MACROD2: variants seen among roughly 807,000 people sequenced by gnomAD.
MACROD2 encodes mono-ADP ribosylhydrolase 2.
A neutral mutation model predicts 70.4 loss-of-function variants in MACROD2; 36 were observed. That is an observed-to-expected ratio of 0.51 (90% CI 0.39 to 0.68). The LOEUF is 0.68. Among genes scored for constraint, MACROD2 ranks in the 30% least tolerant of loss-of-function variants. The probability of loss-of-function intolerance (pLI) is 0.00; values close to 1 mark genes in which losing one functional copy is unlikely to be tolerated. For synonymous variants in MACROD2, 172 were observed against 178.8 expected (o/e 0.96, Z 0.30); for missense variants, 496 against 538.4 (o/e 0.92, Z 0.78).
intron 5 of MACROD2, among the ~76,000 whole-genome samples, chr20:14,806,180 T>C (rs1330778875): frequency 6.6e-6 from 1 of 152,086 alleles, no homozygotes; most frequent in East Asian, 1.9e-4. Context: ...CCGAATAGGA[T>C]CAGCTCAGAT....
chr20:14,460,125 T>C (rs2084351117), intron 3 of MACROD2, among the ~76,000 whole-genome samples: 1 of 152,116 alleles, frequency 6.6e-6, no homozygotes, highest in Admixed American at 6.5e-5. Context: ...CAGTCTATCA[T>C]TGATGGGCAT....
chr20:14,252,034 G>C (rs1370206045), intron 3 of MACROD2, among the ~76,000 whole-genome samples: 1 of 152,054 alleles, frequency 6.6e-6, no homozygotes, highest in Admixed American at 6.6e-5. Context: ...TTTTAGCACT[G>C]TCTACCACTT....
rs574653281 is a variant in MACROD2, at chr20:15,420,793, G to A, written c.541-10612G>A. Among the ~76,000 whole-genome samples, 4 of 152,258 alleles carry A rather than the reference G, an allele frequency of 2.6e-5. No homozygotes were observed. The East Asian group carries it at 7.7e-4, about 29-fold the overall frequency. ...TATATTAGGTAGAAACATCTAGAGT[G>A]TTGGTTGTAACGCTGGATATGGGAG... On this transcript the variant is annotated intron_variant, in intron 6 of 17. Transcript: ENST00000684519.
At chr20:14,538,591 G>A (rs894788671) in intron 4 of MACROD2, among the ~76,000 whole-genome samples, 2 of 151,936 alleles carry the variant, frequency 1.3e-5, no homozygotes, top group Non-Finnish European at 2.9e-5. Context: ...ACCTCTCTAC[G>A]CATGACTCTC....
rs980857783 is a variant in MACROD2, at chr20:15,587,919, G to A, written c.645+88072G>A. On this transcript the variant is annotated intron_variant, in intron 8 of 17. Coordinates refer to ENST00000684519, the MANE Select transcript of MACROD2 (RefSeq NM_001351661.2). ...CTGTCAGTGGATCTACCATTCTGGG[G>A]TCTGGAGGATGGTGGCCCTCTTGTC... Among the ~76,000 whole-genome samples the A allele has an allele frequency of 8.5e-5, 13 of 152,312 alleles. No homozygotes were observed. In the East Asian group the frequency reaches 2.5e-3, roughly 29 times the overall value.
intron 3 of MACROD2, among the ~76,000 whole-genome samples, chr20:14,227,350 A>G (rs975096965): frequency 6.6e-6 from 1 of 152,134 alleles, no homozygotes; most frequent in Non-Finnish European, 1.5e-5. Flanking sequence ...TTTGCAATAA[A>G]TCTTGGTACT....
At chr20:14,737,125 C>T (rs984820976) in intron 5 of MACROD2, among the ~76,000 whole-genome samples, 2 of 152,030 alleles carry the variant, frequency 1.3e-5, no homozygotes, top group Non-Finnish European at 2.9e-5. Flanking sequence ...CCCAACAGGC[C>T]CTGGTGTGTG....
At chr20:14,882,127 C>A (rs2073617484) in intron 5 of MACROD2, among the ~76,000 whole-genome samples, 1 of 152,170 alleles carries the variant, frequency 6.6e-6, no homozygotes, top group South Asian at 2.1e-4. Flanking sequence ...ATGCCCTTAT[C>A]CCACAAATTT....
chr20:14,969,449 A>G (rs1284689642), intron 5 of MACROD2, among the ~76,000 whole-genome samples: 1 of 151,634 alleles, frequency 6.6e-6, no homozygotes, highest in Non-Finnish European at 1.5e-5. Flanking sequence ...TCCTCTACCT[A>G]TGACCATGCC....
In MACROD2 at chr20:14,716,126, G is replaced by GT. The variant is rs1174415006; in HGVS notation, c.418+31172dup. ...GGCGTTTTCCTTCAGTCTGCCTAGA[G>GT]TTTTTCCAGAGCCACTTAATAAGAG... is the stretch of plus-strand genomic sequence containing the variant. On this transcript the variant is annotated intron_variant, in intron 5 of 17. Transcript: ENST00000684519. Among the ~76,000 whole-genome samples the GT allele has an allele frequency of 3.3e-5, 5 of 152,130 alleles. No homozygotes were observed. In the East Asian group the frequency reaches 9.6e-4, roughly 29 times the overall value.
At chr20:15,541,230 A>C (rs908857299) in intron 8 of MACROD2, among the ~76,000 whole-genome samples, 4 of 152,248 alleles carry the variant, frequency 2.6e-5, no homozygotes, top group African/African-American at 9.6e-5. Flanking sequence ...ATTCTAGAAC[A>C]TAGAAACCAG....
chr20:15,393,619 A>G (rs367606434), intron 6 of MACROD2, among the ~76,000 whole-genome samples: 1 of 151,920 alleles, frequency 6.6e-6, no homozygotes, highest in East Asian at 1.9e-4. Context: ...ATTCAATTTC[A>G]TTTCAATGTC....
chr20:15,686,580 T>C (rs566159342), intron 8 of MACROD2, among the ~76,000 whole-genome samples: 4 of 152,144 alleles, frequency 2.6e-5, no homozygotes, highest in South Asian at 2.1e-4. Flanking sequence ...TCAAATAAAA[T>C]ACAATTTGTT....
chr20:14,279,849 G>A (rs2082291933), intron 3 of MACROD2, among the ~76,000 whole-genome samples: 1 of 152,148 alleles, frequency 6.6e-6, no homozygotes, highest in Admixed American at 6.5e-5. Context: ...CTTGGGAAAT[G>A]TATGGCACTA....
chr20:14,536,165 A>C (rs952619752), intron 4 of MACROD2, among the ~76,000 whole-genome samples: 1 of 152,180 alleles, frequency 6.6e-6, no homozygotes, highest in African/African-American at 2.4e-5. Context: ...CCAACAACAT[A>C]TATGTGTATA....
intron 8 of MACROD2, among the ~76,000 whole-genome samples, chr20:15,752,015 A>G (rs899552396): frequency 2.6e-5 from 4 of 152,010 alleles, no homozygotes; most frequent in Non-Finnish European, 4.4e-5. Context: ...CCACAGTTCT[A>G]GAACTCGGAC....
intron 5 of MACROD2, among the ~76,000 whole-genome samples, chr20:15,005,071 G>T (rs2075025220): frequency 6.6e-6 from 1 of 152,126 alleles, no homozygotes. Flanking sequence ...ATGTAATGAA[G>T]TATCGGTTGA....
chr20:15,780,231 ATATT>A (rs1291558722), intron 8 of MACROD2, among the ~76,000 whole-genome samples: 5 of 151,990 alleles, frequency 3.3e-5, no homozygotes, highest in African/African-American at 7.3e-5. Context: ...AGAAAAATAA[ATATT>A]TATTTAAGAT....
At chr20:14,609,160 G>A (rs1983001463) in intron 4 of MACROD2, among the ~76,000 whole-genome samples, 1 of 151,884 alleles carries the variant, frequency 6.6e-6, no homozygotes, top group South Asian at 2.1e-4. Flanking sequence ...AGTGAAAGAA[G>A]GAAAATAAAT....
Sources: gnomAD v4.1 joint callset for allele counts (sites outside exome capture counted in the v4.1 genomes callset) on GRCh38, gnomAD v4.1.1 for gene constraint, MANE v1.5 for transcripts, NCBI Gene and HGNC (gene_info 2026-07-23, HGNC 2026-07-21) for gene names.